Variants in CNTN4 observed in about 807,000 individuals in gnomAD.
The protein encoded by CNTN4 is contactin-4.
Under a neutral mutation model 122.5 loss-of-function variants are expected in CNTN4, and 77 were observed. The ratio of observed to expected loss-of-function variants is 0.63; its 90% confidence interval spans 0.52 to 0.76. CNTN4 has a LOEUF of 0.76. Ranked by LOEUF, CNTN4 falls within the 30% of genes least tolerant of loss-of-function variation. The pLI is 0.00. For missense variants in CNTN4, 1,256 were observed against 1,259.1 expected (o/e 1.00, Z 0.04); for synonymous variants, 512 against 447.0 (o/e 1.15, Z -1.83).
chr3:2,653,388 A>T (rs2083449811), intron 4 of CNTN4, among the ~76,000 whole-genome samples: 1 of 152,150 alleles, frequency 6.6e-6, no homozygotes, highest in Admixed American at 6.5e-5. Context: ...CTGTAGATTG[A>T]GCTCTTTTCC....
intron 7 of CNTN4, among the ~76,000 whole-genome samples, chr3:2,821,002 C>A (rs1006985498): frequency 2.2e-5 from 3 of 136,466 alleles, no homozygotes; most frequent in Non-Finnish European, 4.6e-5. Context: ...CGCTTTGTCA[C>A]CCAATCTGGA....
intron 6 of CNTN4, among the ~76,000 whole-genome samples, chr3:2,764,528 G>A (rs959254665): frequency 6.6e-6 from 1 of 152,192 alleles, no homozygotes; most frequent in Admixed American, 6.5e-5. Flanking sequence ...TGGTGGGAGG[G>A]AGGAAGAAAA....
At chr3:2,188,375 A>G (rs1026222719) in intron 2 of CNTN4, among the ~76,000 whole-genome samples, 2 of 152,092 alleles carry the variant, frequency 1.3e-5, no homozygotes, top group African/African-American at 4.8e-5. Flanking sequence ...TTGCTTCCTC[A>G]TCTCCTTGCT....
At chr3:2,851,553 A>G (rs994972482) in intron 7 of CNTN4, among the ~76,000 whole-genome samples, 1 of 152,222 alleles carries the variant, frequency 6.6e-6, no homozygotes, top group Non-Finnish European at 1.5e-5. Context: ...TCTATTTGCA[A>G]TCCCTGTCTG....
chr3:3,045,465 G>C (rs779375282), intron 23 of CNTN4, among the ~76,000 whole-genome samples: 8 of 152,224 alleles, frequency 5.3e-5, no homozygotes, highest in Non-Finnish European at 1.0e-4. Flanking sequence ...AACATTTGCT[G>C]TTCAGCAATA....
chr3:2,808,355 C>T (rs4685563), intron 6 of CNTN4, among the ~76,000 whole-genome samples: 27,861 of 151,886 alleles, frequency 0.18, 2,845 homozygotes, highest in East Asian at 0.44. Flanking sequence ...ATCTGATTTG[C>T]CTTCTAAGGT....
intron 3 of CNTN4, among the ~76,000 whole-genome samples, chr3:2,439,437 T>G (rs1395028682): frequency 1.3e-5 from 2 of 152,212 alleles, no homozygotes; most frequent in Admixed American, 6.5e-5. Context: ...CATAATAATA[T>G]GATTTTTAAA....
intron 2 of CNTN4, among the ~76,000 whole-genome samples, chr3:2,279,460 A>AGAT (rs1474568200): frequency 2.0e-5 from 3 of 152,224 alleles, no homozygotes; most frequent in Admixed American, 1.3e-4. Context: ...GGGAGACATC[A>AGAT]TCACATGGAT....
intron 6 of CNTN4, among the ~76,000 whole-genome samples, chr3:2,750,681 G>T (rs1374747771): frequency 6.6e-6 from 1 of 152,118 alleles, no homozygotes; most frequent in African/African-American, 2.4e-5. Flanking sequence ...CTGTCACTTA[G>T]CCTACTACCA....
At chr3:2,741,385 T>C (rs1309744809) in intron 5 of CNTN4, among the ~76,000 whole-genome samples, 1 of 152,184 alleles carries the variant, frequency 6.6e-6, no homozygotes, top group Non-Finnish European at 1.5e-5. Flanking sequence ...TTTCATCACA[T>C]GGATAAGGAA....
chr3:2,518,290 A>G (rs915481542), intron 3 of CNTN4, among the ~76,000 whole-genome samples: 1 of 152,010 alleles, frequency 6.6e-6, no homozygotes, highest in Non-Finnish European at 1.5e-5. Context: ...TTTAATGTTC[A>G]TCAAGGGCTG....
chr3:2,684,115 C>T (rs183525133), intron 4 of CNTN4, among the ~76,000 whole-genome samples: 41 of 152,258 alleles, frequency 2.7e-4, no homozygotes, highest in Non-Finnish European at 5.3e-4. Flanking sequence ...ATATTTATTC[C>T]TTTGGTTTCC....
intron 3 of CNTN4, among the ~76,000 whole-genome samples, chr3:2,351,347 A>T (rs186681814): frequency 2.6e-5 from 4 of 152,310 alleles, no homozygotes; most frequent in African/African-American, 9.6e-5. Flanking sequence ...TAAAAGTGGC[A>T]CAGATTCACA....
At chr3:2,122,103 T>A (rs536351277) in intron 2 of CNTN4, among the ~76,000 whole-genome samples, 1 of 149,920 alleles carries the variant, frequency 6.7e-6, no homozygotes, top group Non-Finnish European at 1.5e-5. Context: ...TGCAGTGAGC[T>A]GAGATTGCGC....
intron 3 of CNTN4, among the ~76,000 whole-genome samples, chr3:2,446,882 A>G (rs2048644310): frequency 6.6e-6 from 1 of 152,208 alleles, no homozygotes; most frequent in Non-Finnish European, 1.5e-5. Context: ...AGCCTAATGT[A>G]AACAATATAA....
chr3:2,215,197 A>G (rs897689248), intron 2 of CNTN4, among the ~76,000 whole-genome samples: 2 of 152,214 alleles, frequency 1.3e-5, no homozygotes, highest in African/African-American at 2.4e-5. Context: ...TCATTTATCA[A>G]AAAATGTATA....
chr3:2,834,138 C>T (rs12634283), intron 7 of CNTN4, among the ~76,000 whole-genome samples: 69,544 of 151,568 alleles, frequency 0.46, 18,195 homozygotes, highest in East Asian at 0.78. Flanking sequence ...AGCAAGACTT[C>T]GTCTCAAAAA....
intron 3 of CNTN4, among the ~76,000 whole-genome samples, chr3:2,522,712 A>G (rs1002626440): frequency 1.3e-5 from 2 of 151,948 alleles, no homozygotes; most frequent in African/African-American, 2.4e-5. Context: ...CAAGACTCTG[A>G]ATTTTTAATT....
intron 3 of CNTN4, among the ~76,000 whole-genome samples, chr3:2,423,834 G>A (rs942872140): frequency 1.3e-5 from 2 of 150,980 alleles, no homozygotes; most frequent in Admixed American, 6.6e-5. Context: ...AATTGGTGCC[G>A]AACATCGTTC....
Sources: gnomAD v4.1 joint callset for allele counts (sites outside exome capture counted in the v4.1 genomes callset) on GRCh38, gnomAD v4.1.1 for gene constraint, MANE v1.5 for transcripts, NCBI Gene and HGNC (gene_info 2026-07-23, HGNC 2026-07-21) for gene names.